The following CHID1 variants were observed in gnomAD, a reference collection of about 807,000 sequenced individuals.
CHID1 encodes chitinase domain containing 1.
A neutral mutation model predicts 55.4 loss-of-function variants in CHID1; 44 were observed. The observed-to-expected ratio is 0.79, with a 90% CI of 0.62 to 1.02. The LOEUF (loss-of-function observed/expected upper bound fraction) is 1.02, where lower values mean the gene tolerates loss of function less well. Among genes scored for constraint, CHID1 ranks in the 50% least tolerant of loss-of-function variants. CHID1 has a pLI of 0.00. For missense variants in CHID1, 491 were observed against 515.3 expected (o/e 0.95, Z 0.46); for synonymous variants, 216 against 212.9 (o/e 1.01, Z -0.13).
intron 8 of CHID1, among the ~76,000 whole-genome samples, chr11:889,589 C>T (rs1850652214): frequency 6.6e-6 from 1 of 152,196 alleles, no homozygotes; most frequent in East Asian, 1.9e-4. Flanking sequence ...GCTGACCTCC[C>T]TCCAGGCTGA....
chr11:883,797 G>A (rs1401588528), intron 9 of CHID1, among the ~76,000 whole-genome samples: 9 of 152,242 alleles, frequency 5.9e-5, no homozygotes, highest in African/African-American at 1.9e-4. Context: ...AGGACAGGGC[G>A]GCATCGGGCA....
chr11:896,009 A>G (rs941859304), intron 7 of CHID1, among the ~76,000 whole-genome samples: 1 of 151,430 alleles, frequency 6.6e-6, no homozygotes, highest in Admixed American at 6.6e-5. Flanking sequence ...CAATCCCCCT[A>G]CTGCCTCCTG....
upstream of CHID1, chr11:914,780 C>T: frequency 2.9e-6 from 1 of 346,966 alleles, no homozygotes; most frequent in Non-Finnish European, 5.7e-6. Context: ...GCTGTGGGGC[C>T]TTTGGGGCTG....
At chr11:881,138 G>C (rs1448620556) in intron 10 of CHID1, among the ~76,000 whole-genome samples, 1 of 152,214 alleles carries the variant, frequency 6.6e-6, no homozygotes, top group African/African-American at 2.4e-5. Flanking sequence ...CCCCAAGCAA[G>C]CCTCTAGAGA....
rs1849096419 is a variant in CHID1 at position 870,455 on chromosome 11, T to G, written c.1004A>C (p.Asp335Ala). The G allele has an allele frequency of 6.2e-7, 1 of 1,612,288 alleles. No individual in the cohort carries two copies. Among genetic ancestry groups the G allele is most frequent in the Middle Eastern group, 1.7e-4 (1 of 5,900 alleles). ...LKDHRPRMVWDSQASEHFFEY... is the reference protein window; with the variant it reads ...LKDHRPRMVWASQASEHFFEY... Reference sequence around the variant, plus strand: ...GAAGAAGTGCTCTGAGGCCTGGCTGTCCCACACCATCCGGGGCCTGTGGTC... The same window carrying G: ...GAAGAAGTGCTCTGAGGCCTGGCTGGCCCACACCATCCGGGGCCTGTGGTC... The change falls in exon 11 of 13, where the codon GAC becomes GCC. Residue 335 changes from aspartate (D) to alanine (A), a missense_variant. Transcript: ENST00000323578.
chr11:884,294 T>C, intron 8 of CHID1, 125 bp from the exon 9 acceptor site: 1 of 673,940 alleles, frequency 1.5e-6, no homozygotes. Context: ...AAAGTGTTCT[T>C]CTGGGGTGGG....
intron 7 of CHID1, among the ~76,000 whole-genome samples, chr11:894,355 T>A (rs1192211850): frequency 6.6e-6 from 1 of 152,030 alleles, no homozygotes; most frequent in Non-Finnish European, 1.5e-5. Flanking sequence ...CAGAGCAGGC[T>A]GGCAGTGTTC....
At chr11:892,673 G>A (rs1023452043) in intron 8 of CHID1, among the ~76,000 whole-genome samples, 4 of 152,240 alleles carry the variant, frequency 2.6e-5, no homozygotes, top group Non-Finnish European at 5.9e-5. Context: ...AACCTGGTCT[G>A]CAGGACATGC....
At chr11:902,125 C>T (rs769602649) in intron 4 of CHID1, 73 bp downstream of exon 4, 6 of 1,580,182 alleles carry the variant, frequency 3.8e-6, no homozygotes, top group Non-Finnish European at 5.2e-6. Flanking sequence ...CTCACACACA[C>T]ACACCCCTGC....
intron 1 of CHID1, among the ~76,000 whole-genome samples, chr11:909,528 T>C (rs900054679): frequency 6.6e-6 from 1 of 152,232 alleles, no homozygotes; most frequent in African/African-American, 2.4e-5. Flanking sequence ...AGCAGGGGCT[T>C]TCCAATGCTT....
At chr11:906,993 A>C (rs1167068447) in intron 1 of CHID1, among the ~76,000 whole-genome samples, 1 of 152,214 alleles carries the variant, frequency 6.6e-6, no homozygotes, top group Non-Finnish European at 1.5e-5. Context: ...GCGCAATTGC[A>C]CTCCAGCCTA....
At chr11:901,231 CCT>C (rs1851785339) in intron 4 of CHID1, among the ~76,000 whole-genome samples, 1 of 152,180 alleles carries the variant, frequency 6.6e-6, no homozygotes, top group South Asian at 2.1e-4. Context: ...GCTTACCCTC[CCT>C]GAGCTGGGAC....
At chr11:889,162 GCGTCCTCCCAGAT>G (rs991805307) in intron 8 of CHID1, among the ~76,000 whole-genome samples, 5 of 152,166 alleles carry the variant, frequency 3.3e-5, no homozygotes, top group South Asian at 4.1e-4. Context: ...CTCCAGAACA[GCGTCCTCCCAGAT>G]CCGAGGGGAG....
chr11:874,994 C>T (rs1195814293), intron 10 of CHID1: 1 of 152,298 alleles, frequency 6.6e-6, no homozygotes, highest in African/African-American at 2.4e-5. Flanking sequence ...CTCAGGAGCC[C>T]CCACAGGGCT....
intron 8 of CHID1, among the ~76,000 whole-genome samples, chr11:887,286 C>T (rs1850473510): frequency 1.3e-5 from 2 of 152,214 alleles, no homozygotes; most frequent in South Asian, 4.1e-4. Context: ...CCTCAGCCTC[C>T]CCAAATGCTG....
chr11:877,278 G>A (rs1329305859), intron 10 of CHID1, among the ~76,000 whole-genome samples: 1 of 152,192 alleles, frequency 6.6e-6, no homozygotes, highest in Non-Finnish European at 1.5e-5. Flanking sequence ...TGAAGGCTTT[G>A]GTTGTTTTGG....
chr11:884,812 G>T (rs964653784), intron 8 of CHID1, among the ~76,000 whole-genome samples: 1 of 152,238 alleles, frequency 6.6e-6, no homozygotes, highest in Non-Finnish European at 1.5e-5. Context: ...CACCGCGGAG[G>T]AAGCGGCCCT....
At chr11:902,369 G>C (rs371857046) in intron 3 of CHID1, 39 bp from the exon 4 acceptor site, 30 of 1,596,452 alleles carry the variant, frequency 1.9e-5, no homozygotes, top group Non-Finnish European at 2.6e-5. Context: ...GGACAGGTGA[G>C]TGAGCACCTG....
chr11:908,894 G>T (rs555090116), intron 1 of CHID1, among the ~76,000 whole-genome samples: 1 of 152,240 alleles, frequency 6.6e-6, no homozygotes, highest in Non-Finnish European at 1.5e-5. Flanking sequence ...AGAGGAAAGG[G>T]TGGAAGAGGA....
Sources: gnomAD v4.1 joint callset for allele counts (sites outside exome capture counted in the v4.1 genomes callset) on GRCh38, gnomAD v4.1.1 for gene constraint, MANE v1.5 for transcripts, NCBI Gene and HGNC (gene_info 2026-07-23, HGNC 2026-07-21) for gene names.